Variants in LRCH4 observed in about 807,000 individuals in gnomAD.
LRCH4 encodes the protein leucine-rich repeat and calponin homology domain-containing protein 4.
Under a neutral mutation model 81.2 loss-of-function variants are expected in LRCH4, and 56 were observed. That is an observed-to-expected ratio of 0.69 (90% CI 0.56 to 0.86). The LOEUF (loss-of-function observed/expected upper bound fraction) is 0.86. LRCH4 is among the 40% of genes least tolerant of loss of function. The pLI, the probability that LRCH4 is intolerant of heterozygous loss-of-function variation, is 0.00. For synonymous variants in LRCH4, 442 were observed against 409.7 expected, an observed-to-expected ratio of 1.08 and a Z score of -0.95; for missense variants, 895 against 922.8, an observed-to-expected ratio of 0.97 and a Z score of 0.39.
chr7:100,575,228 C>T lies in LRCH4; in HGVS notation c.1931G>A (p.Arg644Gln), dbSNP rs755128570. The T allele has an allele frequency of 6.8e-6, 11 of 1,606,306 alleles. No homozygotes were observed. The highest frequency in any genetic ancestry group is 2.2e-5 in the East Asian group (1 of 44,634). Reference sequence around the variant, plus strand: ...GGGCGGTAGGGCCTTGCCCCCCACCCGCTTCACGGCCTCCAGCGCGGTCCG... The same window carrying T: ...GGGCGGTAGGGCCTTGCCCCCCACCTGCTTCACGGCCTCCAGCGCGGTCCG... ...GLRTALEAVK[R>Q]VGGKALPPLW... Residue 644 changes from arginine to glutamine, a missense_variant, in exon 18 of 18, where the codon CGG (arginine) becomes CAG (glutamine). This residue lies in a region of LRCH4 where 529 missense variants were observed against 504.9 expected (regional missense o/e 1.05). Transcript: ENST00000310300. This position sits in a 1 kb window ranked among gnomAD's most constrained non-coding sequence, Gnocchi z 5.3.
intron 14 of LRCH4, 59 bp downstream of exon 14, chr7:100,576,635 G>C: frequency 7.1e-7 from 1 of 1,412,524 alleles, no homozygotes; most frequent in South Asian, 1.2e-5. Context: ...GCAGAAGGGT[G>C]ATGTAGCCGT....
At position 100,577,089 on chromosome 7, in the gene LRCH4, T is replaced by C. The variant is rs1313461826; in HGVS notation, c.1361A>G (p.His454Arg). The C allele has an allele frequency of 1.2e-6, 2 of 1,614,060 alleles. No homozygotes were observed. The highest frequency in any genetic ancestry group is 2.7e-5 in the African/African-American group (2 of 75,008). ...GGGATGCTGGCAGGAAACCTACTTGTGCATGGCTTGAGTGGACACGGCGGC... is the reference window on the plus strand; with the variant it reads ...GGGATGCTGGCAGGAAACCTACTTGCGCATGGCTTGAGTGGACACGGCGGC... ...GAAAVSTQAM[H>R]NGSPKSSASQ... The change falls in exon 12 of 18, where the codon CAC becomes CGC. Residue 454 changes from histidine (H) to arginine (R), a missense_variant. By Grantham distance (29) the His-to-Arg change is conservative (BLOSUM62 0). Transcript: ENST00000310300. The surrounding 1 kb of genome is among the most constrained non-coding windows in gnomAD (Gnocchi z 6.7).
chr7:100,576,484 G>C, intron 14 of LRCH4, 161 bp from the exon 15 acceptor site: 1 of 670,772 alleles, frequency 1.5e-6, no homozygotes, highest in Non-Finnish European at 2.6e-6. Context: ...GGCTGGTCTT[G>C]AATTCCTGGG....
rs764092302 is a variant in LRCH4, at chr7:100,575,253, G to T, written c.1906C>A (p.Arg636=). 6.3e-7 allele frequency: 1 copy of T among 1,584,716 alleles called. No homozygotes were observed. The highest frequency in any genetic ancestry group is 2.3e-5 in the East Asian group (1 of 43,784). Residue 636 remains arginine, a synonymous_variant, in exon 18 of 18, where the codon CGG becomes AGG. Coordinates refer to ENST00000310300, the MANE Select transcript of LRCH4 (RefSeq NM_002319.5). This position sits in a 1 kb window ranked among gnomAD's most constrained non-coding sequence, Gnocchi z 5.3. ...DLLQGTARGL[R]TALEAVKRVG... ...CGCTTCACGGCCTCCAGCGCGGTCC[G>T]CAGCCCCCGGGCAGTGCCCTGGAGG... is the stretch of plus-strand genomic sequence containing the variant.
At chr7:100,584,725 G>A (rs549366665) in intron 1 of LRCH4, 25 of 456,618 alleles carry the variant, frequency 5.5e-5, no homozygotes, top group Admixed American at 4.7e-4. Context: ...GGGAGGTTTC[G>A]ACTGGTTCTC....
intron 14 of LRCH4, 85 bp downstream of exon 14, chr7:100,576,609 C>T: frequency 8.2e-7 from 1 of 1,216,136 alleles, no homozygotes. Flanking sequence ...TACAACAGAC[C>T]CAGAGGGCTC....
rs377324041 is a variant in LRCH4, at chr7:100,582,436, C to T, written c.244G>A (p.Glu82Lys). 10 of 1,611,270 alleles carry T rather than the reference C, an allele frequency of 6.2e-6. No homozygotes were observed. The highest frequency in any genetic ancestry group is 1.6e-4 in the Middle Eastern group (1 of 6,064). ...QADLSRNRFP[E>K]VPEAACQLVS... ...AGCTGGCACGCCGCCTCGGGCACCTCGGGAAACCGGTTCCGGGACAGGTCT... is the reference window on the plus strand; with the variant it reads ...AGCTGGCACGCCGCCTCGGGCACCTTGGGAAACCGGTTCCGGGACAGGTCT... The change falls in exon 2 of 18, where the codon GAG (glutamate) becomes AAG (lysine). Residue 82 changes from glutamate (E) to lysine (K), a missense_variant. This residue lies in a region of LRCH4 where 360 missense variants were observed against 397.0 expected (regional missense o/e 0.91). Transcript: ENST00000310300. The surrounding 1 kb of genome is among the most constrained non-coding windows in gnomAD (Gnocchi z 5.0).
intron 4 of LRCH4, chr7:100,580,529 ACACACAACC>A (rs1170263322): frequency 1.3e-5 from 2 of 151,876 alleles, no homozygotes; most frequent in Non-Finnish European, 2.9e-5. Flanking sequence ...CACAACACAT[ACACACAACC>A]CACACAACAC....
At position 100,582,061 on chromosome 7, in the gene LRCH4, G is replaced by A. The variant is rs1801576371; in HGVS notation, c.472C>T (p.Leu158=). 6.2e-7 allele frequency: 1 copy of A among 1,610,466 alleles called. No individual in the cohort carries two copies. Among genetic ancestry groups the A allele is most frequent in the African/African-American group, 1.3e-5 (1 of 74,758 alleles). The change falls in exon 3 of 18, where the codon CTG becomes TTG. Residue 158 remains leucine, a synonymous_variant. Coordinates refer to ENST00000310300, the MANE Select transcript of LRCH4 (RefSeq NM_002319.5). The surrounding 1 kb of genome is among the most constrained non-coding windows in gnomAD (Gnocchi z 5.0). ...LGALPPDIGT[L]GSLRQLDVSS... ...CTCACAAGCTGTCGCAGGCTTCCCAGGGTGCCGATGTCAGGGGGCAGGGCT... is the reference window on the plus strand; with the variant it reads ...CTCACAAGCTGTCGCAGGCTTCCCAAGGTGCCGATGTCAGGGGGCAGGGCT...
chr7:100,581,036 C>T (rs1352684082), intron 4 of LRCH4, among the ~76,000 whole-genome samples: 1 of 152,266 alleles, frequency 6.6e-6, no homozygotes, highest in Non-Finnish European at 1.5e-5. Context: ...GGCTCTGGCA[C>T]TGGCCCTGGC....
In LRCH4 at chr7:100,577,781, G is replaced by A; in HGVS notation, c.1039+41C>T. ...TGTCAGCAAGTGAGCGGGGACCCAGGCCCTGGTCCAGCCCAGCTCCCGGCC... is the reference window on the plus strand; with the variant it reads ...TGTCAGCAAGTGAGCGGGGACCCAGACCCTGGTCCAGCCCAGCTCCCGGCC... On this transcript the variant is annotated intron_variant, in intron 8 of 17. Coordinates refer to ENST00000310300, the MANE Select transcript of LRCH4 (RefSeq NM_002319.5). The surrounding 1 kb of genome is among the most constrained non-coding windows in gnomAD (Gnocchi z 6.7). 6.2e-7 allele frequency: 1 copy of A among 1,613,314 alleles called. No individual in the cohort carries two copies. The highest frequency in any genetic ancestry group is 8.5e-7 in the Non-Finnish European group (1 of 1,179,304).
intron 14 of LRCH4, 141 bp from the exon 15 acceptor site, chr7:100,576,464 A>G: frequency 1.5e-6 from 1 of 683,230 alleles, no homozygotes; most frequent in Non-Finnish European, 2.5e-6. Context: ...GGGTCTCGCT[A>G]TGTTGCCCAG....
In LRCH4 at chr7:100,575,699, C is replaced by A; in HGVS notation, c.1854+6G>T. 1 of 1,614,134 alleles carries A rather than the reference C, an allele frequency of 6.2e-7. No individual in the cohort carries two copies. The highest frequency in any genetic ancestry group is 8.5e-7 in the Non-Finnish European group (1 of 1,179,958). Reference sequence around the variant, plus strand: ...GCCACCACTCTTTAGAAAGCAGCCCCCATACCTCAGGCACCCCCATTTTTC... The same window carrying A: ...GCCACCACTCTTTAGAAAGCAGCCCACATACCTCAGGCACCCCCATTTTTC... On this transcript the variant is annotated splice_donor_region_variant and intron_variant, in intron 17 of 17. Transcript: ENST00000310300. The surrounding 1 kb of genome is among the most constrained non-coding windows in gnomAD (Gnocchi z 5.3).
rs751291686 is a variant in LRCH4 at position 100,578,207 on chromosome 7, T to C, written c.900A>G (p.Ser300=). 2.5e-6 allele frequency: 4 copies of C among 1,614,194 alleles called. No homozygotes were observed. The highest frequency in any genetic ancestry group is 1.1e-5 in the South Asian group (1 of 91,082). Residue 300 remains serine, a synonymous_variant, in exon 7 of 18, where the codon TCA becomes TCG. Coordinates refer to ENST00000310300, the MANE Select transcript of LRCH4 (RefSeq NM_002319.5). This position sits in a 1 kb window ranked among gnomAD's most constrained non-coding sequence, Gnocchi z 5.7. ...TGCCACTATCAACGCTGTGGAAGCCTGAGTCCAGCCCACCATCGTACCGAT... is the reference window on the plus strand; with the variant it reads ...TGCCACTATCAACGCTGTGGAAGCCCGAGTCCAGCCCACCATCGTACCGAT... The part of the protein sequence containing the change: ...PGHRYDGGLD[S]GFHSVDSGSK...
rs1801614476 is a variant in LRCH4 at position 100,583,166 on chromosome 7, G to A, written c.221-707C>T. 2.0e-5 allele frequency among the ~76,000 whole-genome samples: 3 copies of A among 152,166 alleles called. No individual in the cohort carries two copies. The highest frequency in any genetic ancestry group is 2.0e-4 in the Admixed American group (3 of 15,280). ...CTCCCATCTGGGCTTCTCTGGCCCA[G>A]GGCAGGCATCCTTCCTACCCTCTGC... On this transcript the variant is annotated intron_variant, in intron 1 of 17. Coordinates refer to ENST00000310300, the MANE Select transcript of LRCH4 (RefSeq NM_002319.5). The surrounding 1 kb of genome is among the most constrained non-coding windows in gnomAD (Gnocchi z 4.3).
At position 100,586,081 on chromosome 7, in the gene LRCH4, G is replaced by A. The variant is rs776401187; in HGVS notation, c.20C>T (p.Ala7Val). Residue 7 changes from alanine to valine, a missense_variant, in exon 1 of 18, where the codon GCT (alanine) becomes GTT (valine). Ala to Val is a moderately conservative substitution (Grantham distance 64). Transcript: ENST00000310300. ...CTCCTCACCCCCGGCGGCGAGTGGA[G>A]CCGCTACGGCCGCCGCCATCCGCTC... MAAAVA[A>V]PLAAGGEEAA... is the part of the protein sequence containing the mutation. 2.6e-6 allele frequency: 4 copies of A among 1,535,402 alleles called. No individual in the cohort carries two copies. The highest frequency in any genetic ancestry group is 2.0e-5 in the Admixed American group (1 of 49,470).
Position 100,582,524 on chromosome 7 carries a change from C to A in LRCH4, c.221-65G>T, listed in dbSNP as rs1447690869. On this transcript the variant is annotated intron_variant, in intron 1 of 17. Transcript: ENST00000310300. This position sits in a 1 kb window ranked among gnomAD's most constrained non-coding sequence, Gnocchi z 5.0. ...CCAGCCCGGACAGGACCTTCAGTCC[C>A]CCCAGAGCCGGCTGCCCACTCCCTC... The A allele has an allele frequency of 1.5e-5, 23 of 1,530,602 alleles. No individual in the cohort carries two copies. The highest frequency in any genetic ancestry group is 1.2e-4 in the East Asian group (5 of 42,298). 94.8% of individuals were successfully genotyped at this position (1,530,602 alleles called of 1,614,324 possible).
chr7:100,579,400 AC>A (rs1801465513), intron 4 of LRCH4: 1 of 152,336 alleles, frequency 6.6e-6, no homozygotes. Context: ...GATTGAGACC[AC>A]CCTGGCTAAC....
Position 100,582,304 on chromosome 7 carries a change from G to A in LRCH4, c.365+11C>T, listed in dbSNP as rs1381652563. 2.4e-5 allele frequency: 38 copies of A among 1,613,950 alleles called. No homozygotes were observed. Among genetic ancestry groups the A allele is most frequent in the Middle Eastern group, 1.6e-4 (1 of 6,084 alleles). On this transcript the variant is annotated intron_variant, in intron 2 of 17. Coordinates refer to ENST00000310300, the MANE Select transcript of LRCH4 (RefSeq NM_002319.5). The surrounding 1 kb of genome is among the most constrained non-coding windows in gnomAD (Gnocchi z 5.0). Reference sequence around the variant, plus strand: ...ACACGCTCCCACGTGGCCCTGGCTCGGCCTCCCTACCTGAGGTTGAGGTAG... The same window carrying A: ...ACACGCTCCCACGTGGCCCTGGCTCAGCCTCCCTACCTGAGGTTGAGGTAG...
Sources: gnomAD v4.1 joint callset for allele counts (sites outside exome capture counted in the v4.1 genomes callset) on GRCh38, gnomAD v4.1.1 for gene constraint, gnomAD v4.1.1 regional missense constraint, Gnocchi (gnomAD v3.1) non-coding constraint, MANE v1.5 for transcripts, NCBI Gene and HGNC (gene_info 2026-07-23, HGNC 2026-07-21) for gene names.